Variants in TRIM14 observed in about 807,000 individuals in gnomAD.
TRIM14 encodes the protein tripartite motif-containing protein 14.
TRIM14 carries 28 observed loss-of-function variants against 44.5 expected under a neutral mutation model. The ratio of observed to expected loss-of-function variants is 0.63; its 90% CI spans 0.47 to 0.86. The LOEUF (loss-of-function observed/expected upper bound fraction) is 0.86, where lower values mean the gene tolerates loss of function less well. Among genes scored for constraint, TRIM14 ranks in the 40% least tolerant of loss-of-function variants. The pLI is 0.00. For missense variants in TRIM14, 607 were observed against 611.1 expected (o/e 0.99, Z 0.07); for synonymous variants, 299 against 269.2 (o/e 1.11, Z -1.08).
chr9:98,053,251 C>G, the TRIM14 span, among the ~76,000 whole-genome samples: 1 of 152,214 alleles, frequency 6.6e-6, no homozygotes, highest in South Asian at 2.1e-4. Context: ...TTTAACTGCT[C>G]AAGATAATTT....
intron 2 of TRIM14, among the ~76,000 whole-genome samples, chr9:98,104,519 G>A (rs889709323): frequency 3.3e-5 from 5 of 152,172 alleles, no homozygotes; most frequent in African/African-American, 7.2e-5. Context: ...TGGTCAGAAA[G>A]GGGTAGAGAG....
At chr9:98,065,308 C>CTTTTT (rs758040892), downstream of TRIM14, among the ~76,000 whole-genome samples, 58 of 92,750 alleles carry the variant, frequency 6.3e-4, 1 homozygote, top group Admixed American at 4.2e-3. Context: ...ACTCCTGGTG[C>CTTTTT]TTTTTTTTTT....
At chr9:98,104,523 TAG>T (rs370632139) in intron 2 of TRIM14, among the ~76,000 whole-genome samples, 1 of 149,070 alleles carries the variant, frequency 6.7e-6, no homozygotes, top group African/African-American at 2.5e-5. Context: ...CAGAAAGGGG[TAG>T]AGAGAGAGAG....
Position 98,086,509 on chromosome 9 carries a change from A to C in TRIM14, c.*961T>G, listed in dbSNP as rs949029569. On this transcript the variant is annotated 3_prime_UTR_variant, in exon 6 of 6. Coordinates refer to ENST00000341469, the MANE Select transcript of TRIM14 (RefSeq NM_014788.4). ...TCTGGGAACTTTTCAGGGTGGAGAG[A>C]GTATAGGACAAAGCTGCCCTTCCAA... 1.2e-4 allele frequency: 18 copies of C among 152,140 alleles called. No individual in the cohort carries two copies. Among genetic ancestry groups the C allele is most frequent in the African/African-American group, 4.3e-4 (18 of 41,424 alleles). 9.4% of individuals were successfully genotyped at this position (152,140 alleles called of 1,614,324 possible). A position where few individuals can be genotyped will look rare whatever the true frequency, so the allele number is the denominator to read the frequency against.
In TRIM14 at chr9:98,095,265, T is replaced by A. The variant is rs1826145521; in HGVS notation, c.538-236A>T. On this transcript the variant is annotated intron_variant, in intron 3 of 5. Transcript: ENST00000341469. The surrounding 1 kb of genome is among the most constrained non-coding windows in gnomAD (Gnocchi z 4.1). ...TTTCAGTGCTGGCACTGGGGATTCCTCCCTCTCCATCCTTCCTCCTTTCCT... is the reference window on the plus strand; with the variant it reads ...TTTCAGTGCTGGCACTGGGGATTCCACCCTCTCCATCCTTCCTCCTTTCCT... Among the ~76,000 whole-genome samples, 1 of 152,206 alleles carries A rather than the reference T, an allele frequency of 6.6e-6. No homozygotes were observed. The highest frequency in any genetic ancestry group is 2.1e-4 in the South Asian group (1 of 4,832).
At chr9:98,078,320 T>A in intron 6 of TRIM14, 1 of 1,613,720 alleles carries the variant, frequency 6.2e-7, no homozygotes, top group Non-Finnish European at 8.5e-7. Flanking sequence ...CGCTCCAGCC[T>A]GAGGACGTCA....
chr9:98,118,834 C>T, intron 1 of TRIM14, 148 bp downstream of exon 1: 1 of 964,572 alleles, frequency 1.0e-6, no homozygotes, highest in Non-Finnish European at 1.4e-6. Flanking sequence ...AACTTTCGGT[C>T]GACCGCTTAG....
intron 2 of TRIM14, among the ~76,000 whole-genome samples, chr9:98,109,278 G>A (rs1392598057): frequency 2.4e-5 from 3 of 126,856 alleles, no homozygotes; most frequent in African/African-American, 1.6e-4. Context: ...GAAAGGGGGA[G>A]GGAGCAACAG....
chr9:98,061,551 A>G, the TRIM14 span, among the ~76,000 whole-genome samples: 62 of 149,598 alleles, frequency 4.1e-4, 2 homozygotes, highest in East Asian at 0.011. Context: ...GGAGGCTGAG[A>G]CAGGCAGGTC....
chr9:98,056,647 A>C, the TRIM14 span: 1 of 1,076,686 alleles, frequency 9.3e-7, no homozygotes, highest in Non-Finnish European at 1.3e-6. Flanking sequence ...GGCTGTCGGG[A>C]GAGAGGCGGG....
chr9:98,064,690 T>C (rs1829083721), downstream of TRIM14, among the ~76,000 whole-genome samples: 1 of 152,220 alleles, frequency 6.6e-6, no homozygotes, highest in Non-Finnish European at 1.5e-5. Flanking sequence ...TTGTTCAGTA[T>C]CACACAGTTA....
the TRIM14 span, among the ~76,000 whole-genome samples, chr9:98,040,414 T>C: frequency 5.3e-5 from 8 of 151,972 alleles, no homozygotes; most frequent in African/African-American, 1.9e-4. Context: ...TTTGATGTTG[T>C]GGGCCTCGCC....
intron 1 of TRIM14, among the ~76,000 whole-genome samples, chr9:98,113,249 A>G (rs1253834832): frequency 1.3e-5 from 2 of 152,136 alleles, no homozygotes; most frequent in Non-Finnish European, 2.9e-5. Flanking sequence ...TTATCAGAGC[A>G]TTGATCTGCT....
In TRIM14 at chr9:98,072,846, T is replaced by C. The variant is rs149070049; in HGVS notation, c.*29-3159A>G. On this transcript the variant is annotated intron_variant, in intron 6 of 6. Transcript: ENST00000375098. ...GTGTTTACCTACCCTAACTTCCTTA[T>C]AGAAACAGGCATTTATTGAATGCAT... 2.6e-5 allele frequency among the ~76,000 whole-genome samples: 4 copies of C among 152,322 alleles called. No individual in the cohort carries two copies. In the East Asian group the frequency reaches 7.7e-4, roughly 29 times the overall value.
At chr9:98,060,115 C>T in the TRIM14 span, among the ~76,000 whole-genome samples, 1 of 152,152 alleles carries the variant, frequency 6.6e-6, no homozygotes, top group Non-Finnish European at 1.5e-5. Flanking sequence ...AATTCTGGTC[C>T]AGTGCTGAGT....
At chr9:98,103,984 G>C (rs1826504394) in intron 2 of TRIM14, among the ~76,000 whole-genome samples, 1 of 152,210 alleles carries the variant, frequency 6.6e-6, no homozygotes, top group South Asian at 2.1e-4. Context: ...CAGGGGGACA[G>C]CATGTGGTTT....
chr9:98,101,427 AT>A (rs796209312), intron 2 of TRIM14, among the ~76,000 whole-genome samples: 6,783 of 143,438 alleles, frequency 0.047, 157 homozygotes, highest in African/African-American at 0.073. Context: ...ATAGCTATCA[AT>A]TTTTTTTTTT....
At chr9:98,072,887 T>C (rs1394916375) in intron 6 of TRIM14, among the ~76,000 whole-genome samples, 4 of 152,206 alleles carry the variant, frequency 2.6e-5, no homozygotes, top group Non-Finnish European at 5.9e-5. Context: ...CTCCACACTG[T>C]ATGCTGTTCT....
At chr9:98,091,325 C>A (rs560655609) in intron 5 of TRIM14, among the ~76,000 whole-genome samples, 16 of 152,112 alleles carry the variant, frequency 1.1e-4, no homozygotes, top group Non-Finnish European at 2.1e-4. Flanking sequence ...GGCATGGTGG[C>A]ACACACTGAT....
Sources: allele counts gnomAD v4.1 joint callset (sites outside exome capture counted in the v4.1 genomes callset), GRCh38; gene constraint gnomAD v4.1.1; non-coding constraint Gnocchi (gnomAD v3.1); transcripts MANE v1.5; gene names NCBI Gene and HGNC (gene_info 2026-07-23, HGNC 2026-07-21).